The following DNMT3A variants were observed in gnomAD, a reference collection of about 807,000 sequenced individuals.
DNMT3A encodes DNA (cytosine-5)-methyltransferase 3A.
DNMT3A carries 267 observed loss-of-function variants against 117.6 expected under a neutral mutation model. The ratio of observed to expected loss-of-function variants is 2.27; its 90% CI spans 2.05 to 2.51. The LOEUF is 2.51. Ranked by LOEUF, DNMT3A falls within the 30% of genes most tolerant of loss-of-function variation. DNMT3A has a pLI of 0.00. For synonymous variants in DNMT3A, 432 were observed against 474.8 expected, an observed-to-expected ratio of 0.91 and a Z score of 1.17; for missense variants, 1,029 against 1,260.2, an observed-to-expected ratio of 0.82 and a Z score of 2.78.
rs201808955 is a variant in DNMT3A at position 25,306,441 on chromosome 2, C to T, written c.73-6198G>A. ...ATAATTACCGAGGAAAGCCTTCCAT[C>T]CTCCTGAAAGGCCACTCTCCTGGAG... On this transcript the variant is annotated intron_variant, in intron 2 of 22. Transcript: ENST00000321117. This position sits in a 1 kb window ranked among gnomAD's most constrained non-coding sequence, Gnocchi z 4.1. Among the ~76,000 whole-genome samples the T allele has an allele frequency of 6.6e-6, 1 of 152,210 alleles. No individual in the cohort carries two copies. Among genetic ancestry groups the T allele is most frequent in the Non-Finnish European group, 1.5e-5 (1 of 68,040 alleles).
Position 25,235,797 on chromosome 2 carries a change from C to G in DNMT3A, c.2507G>C (p.Arg836Thr). The change falls in exon 22 of 23, where the codon AGG becomes ACG. Residue 836 changes from arginine (R) to threonine (T), a missense_variant. Coordinates refer to ENST00000321117, the MANE Select transcript of DNMT3A (RefSeq NM_022552.5). ...TTTGCCCTGCTTTATGGAGTTTGAC[C>G]TCGTAGTAATGGTCCTCACTTTGCT... Reference protein sequence around the residue: ...KFSKVRTITTRSNSIKQGKDQ... With the variant: ...KFSKVRTITTTSNSIKQGKDQ... 1 of 1,614,102 alleles carries G rather than the reference C, an allele frequency of 6.2e-7. No individual in the cohort carries two copies. Among genetic ancestry groups the G allele is most frequent in the Non-Finnish European group, 8.5e-7 (1 of 1,180,002 alleles).
In DNMT3A at chr2:25,245,317, C is replaced by T. The variant is rs779323387; in HGVS notation, c.1490G>A (p.Cys497Tyr). The change falls in exon 13 of 23, where the codon TGT (cysteine) becomes TAT (tyrosine). Residue 497 changes from cysteine (C) to tyrosine (Y), a missense_variant. Cys to Tyr is a radical substitution (Grantham distance 194). Coordinates refer to ENST00000321117, the MANE Select transcript of DNMT3A (RefSeq NM_022552.5). The part of the protein sequence containing the change: ...CRNIEDICIS[C>Y]GSLNVTLEHP... ...TTCCAGGGTAACATTGAGGCTCCCA[C>T]AGGAGATGCAGATGTCTGGAAAGCA... is the stretch of plus-strand genomic sequence containing the variant. 2 of 1,613,728 alleles carry T rather than the reference C, an allele frequency of 1.2e-6. No individual in the cohort carries two copies. Among genetic ancestry groups the T allele is most frequent in the Non-Finnish European group, 1.7e-6 (2 of 1,179,956 alleles).
Position 25,236,762 on chromosome 2 carries a change from C to A in DNMT3A, c.2478+174G>T, listed in dbSNP as rs1010858833. On this transcript the variant is annotated intron_variant, in intron 21 of 22. Transcript: ENST00000321117. The surrounding 1 kb of genome is among the most constrained non-coding windows in gnomAD (Gnocchi z 4.5). Reference sequence around the variant, plus strand: ...CCAGGGAGGAAGGGCTGAAGGCCAGCAGCCCTGGGCCCTCCTCTGGCTGCC... The same window carrying A: ...CCAGGGAGGAAGGGCTGAAGGCCAGAAGCCCTGGGCCCTCCTCTGGCTGCC... Among the ~76,000 whole-genome samples the A allele has an allele frequency of 1.3e-5, 2 of 152,252 alleles. No individual in the cohort carries two copies. Among genetic ancestry groups the A allele is most frequent in the African/African-American group, 4.8e-5 (2 of 41,476 alleles).
intron 5 of DNMT3A, 91 bp downstream of exon 5, chr2:25,275,409 G>C: frequency 6.8e-7 from 1 of 1,469,566 alleles, no homozygotes. Flanking sequence ...AAGGAGGAGG[G>C]GCCCACCCTC....
intron 1 of DNMT3A, among the ~76,000 whole-genome samples, chr2:25,333,766 C>G (rs1448458773): frequency 1.3e-5 from 2 of 152,200 alleles, no homozygotes; most frequent in African/African-American, 4.8e-5. Context: ...TTCTCTGTGC[C>G]AGGCATAGTG....
At chr2:25,332,861 G>A (rs778040058) in intron 1 of DNMT3A, among the ~76,000 whole-genome samples, 23 of 152,230 alleles carry the variant, frequency 1.5e-4, no homozygotes, top group Non-Finnish European at 3.2e-4. Flanking sequence ...AGCCCTTGCT[G>A]CGTGCCAGCT....
At chr2:25,331,618 G>A (rs2035016493) in intron 1 of DNMT3A, among the ~76,000 whole-genome samples, 1 of 152,224 alleles carries the variant, frequency 6.6e-6, no homozygotes, top group African/African-American at 2.4e-5. Context: ...CTGTGAAGTA[G>A]AGGCGCTAAC....
At chr2:25,301,558 T>C (rs2033516952) in intron 2 of DNMT3A, among the ~76,000 whole-genome samples, 1 of 152,186 alleles carries the variant, frequency 6.6e-6, no homozygotes, top group Non-Finnish European at 1.5e-5. Context: ...CTGACATGCT[T>C]GTCTCCTGGG....
chr2:25,312,258 C>T (rs1418450720), intron 2 of DNMT3A, among the ~76,000 whole-genome samples: 6 of 152,212 alleles, frequency 3.9e-5, no homozygotes, highest in Non-Finnish European at 8.8e-5. Flanking sequence ...GGCCAAAGGG[C>T]TTGGGTCTTC....
chr2:25,313,717 G>A (rs994346505), intron 2 of DNMT3A, among the ~76,000 whole-genome samples, 196 bp downstream of exon 2: 1 of 152,222 alleles, frequency 6.6e-6, no homozygotes, highest in Non-Finnish European at 1.5e-5. Context: ...CCAAATGCCT[G>A]CTCCATCACC....
intron 1 of DNMT3A, among the ~76,000 whole-genome samples, chr2:25,320,898 G>A (rs1294192757): frequency 2.0e-5 from 3 of 152,088 alleles, no homozygotes; most frequent in Non-Finnish European, 4.4e-5. Context: ...TTGGGAGGCC[G>A]AGGAGGGTGG....
chr2:25,234,095 A>G lies in DNMT3A; in HGVS notation c.*184T>C. The G allele has an allele frequency of 2.2e-6, 2 of 893,804 alleles. No individual in the cohort carries two copies. The highest frequency in any genetic ancestry group is 3.2e-6 in the Non-Finnish European group (2 of 632,554). The allele number at this position is 893,804 out of a possible 1,614,324, so 55.4% of individuals were successfully genotyped here. A position where few individuals can be genotyped will look rare whatever the true frequency, so the allele number is the denominator to read the frequency against. On this transcript the variant is annotated 3_prime_UTR_variant, in exon 23 of 23. Transcript: ENST00000321117. The surrounding 1 kb of genome is among the most constrained non-coding windows in gnomAD (Gnocchi z 4.5). ...TTGAAAAATCAGGAGATGATGTCCA[A>G]CCCTTTTCGCAAGGCAAAGCCCTCC...
chr2:25,250,305 G>A (rs1295675399), intron 6 of DNMT3A, among the ~76,000 whole-genome samples: 2 of 152,174 alleles, frequency 1.3e-5, no homozygotes, highest in Non-Finnish European at 2.9e-5. Context: ...AGACCAATCT[G>A]TTTCTTATGG....
At chr2:25,241,504 C>T in intron 17 of DNMT3A, 58 bp downstream of exon 17, 2 of 1,560,130 alleles carry the variant, frequency 1.3e-6, no homozygotes, top group Non-Finnish European at 1.7e-6. Context: ...AGGGCTGCCT[C>T]CAGGTGCTGA....
At chr2:25,340,452 G>T (rs572607540) in intron 1 of DNMT3A, among the ~76,000 whole-genome samples, 3 of 152,086 alleles carry the variant, frequency 2.0e-5, no homozygotes, top group Non-Finnish European at 4.4e-5. Context: ...GCGGGCCCCA[G>T]CGATGAGGGG....
At chr2:25,249,696 AT>A in intron 6 of DNMT3A, 1 of 1,614,186 alleles carries the variant, frequency 6.2e-7, no homozygotes, top group Non-Finnish European at 8.5e-7. Context: ...CCACGCGCCC[AT>A]TCCTTCTCAC....
Position 25,237,452 on chromosome 2 carries a change from C to A in DNMT3A, c.2409-447G>T, listed in dbSNP as rs1673496103. Reference sequence around the variant, plus strand: ...TGGATGAAATTAATCAAACCGCAAGCCTTAAATGTACTGCTTTAAAAGACT... The same window carrying A: ...TGGATGAAATTAATCAAACCGCAAGACTTAAATGTACTGCTTTAAAAGACT... On this transcript the variant is annotated intron_variant, in intron 20 of 22. Transcript: ENST00000321117. The surrounding 1 kb of genome is among the most constrained non-coding windows in gnomAD (Gnocchi z 5.4). Among the ~76,000 whole-genome samples, 1 of 152,168 alleles carries A rather than the reference C, an allele frequency of 6.6e-6. No homozygotes were observed.
In DNMT3A at chr2:25,247,721, A is replaced by T. The variant is rs1674993563; in HGVS notation, c.884T>A (p.Leu295Gln). The change falls in exon 8 of 23, where the codon CTG becomes CAG. Residue 295 changes from leucine (L) to glutamine (Q), a missense_variant. Coordinates refer to ENST00000321117, the MANE Select transcript of DNMT3A (RefSeq NM_022552.5). The surrounding 1 kb of genome is among the most constrained non-coding windows in gnomAD (Gnocchi z 5.6). Reference sequence around the variant, plus strand: ...GAAGCCCCGCAGTTTCCCCCACACCAGCTCCCCAATGCCAAAGCCCCGGCC... The same window carrying T: ...GAAGCCCCGCAGTTTCCCCCACACCTGCTCCCCAATGCCAAAGCCCCGGCC... Reference protein sequence around the residue: ...EDGRGFGIGELVWGKLRGFSW... With the variant: ...EDGRGFGIGEQVWGKLRGFSW... 2 of 1,612,404 alleles carry T rather than the reference A, an allele frequency of 1.2e-6. No homozygotes were observed. The highest frequency in any genetic ancestry group is 1.7e-6 in the Non-Finnish European group (2 of 1,179,826).
intron 3 of DNMT3A, among the ~76,000 whole-genome samples, chr2:25,284,132 A>T (rs1456149257): frequency 6.6e-6 from 1 of 152,140 alleles, no homozygotes; most frequent in South Asian, 2.1e-4. Flanking sequence ...ACCAGGCTGC[A>T]CTCAGCAACT....
Sources: gnomAD v4.1 joint callset for allele counts (sites outside exome capture counted in the v4.1 genomes callset) on GRCh38, gnomAD v4.1.1 for gene constraint, Gnocchi (gnomAD v3.1) non-coding constraint, MANE v1.5 for transcripts, NCBI Gene and HGNC (gene_info 2026-07-23, HGNC 2026-07-21) for gene names.